The following NUP210L variants were observed in gnomAD, a reference collection of about 807,000 sequenced individuals.
The protein encoded by NUP210L is nuclear pore membrane glycoprotein 210-like.
Under a neutral mutation model 208.5 loss-of-function variants are expected in NUP210L, and 74 were observed. The observed-to-expected ratio is 0.35, with a 90% confidence interval of 0.29 to 0.43. NUP210L has a LOEUF of 0.43. Among genes scored for constraint, NUP210L ranks in the 20% least tolerant of loss-of-function variants. The pLI, the probability that NUP210L is intolerant of heterozygous loss-of-function variation, is 1.00. For synonymous variants in NUP210L, 780 were observed against 816.9 expected, an observed-to-expected ratio of 0.95 and a Z score of 0.77; for missense variants, 1,843 against 2,289.4, an observed-to-expected ratio of 0.81 and a Z score of 3.98.
At chr1:154,015,906 CAATAAATAAATAAATA>C (rs71584164) in intron 33 of NUP210L, among the ~76,000 whole-genome samples, 3,275 of 133,926 alleles carry the variant, frequency 0.024, 137 homozygotes, top group African/African-American at 0.084. Context: ...GACCCTGTCT[CAATAAATAAATAAATA>C]AATAAATAAA....
chr1:154,039,794 A>C (rs574700872), intron 27 of NUP210L: 1 of 152,146 alleles, frequency 6.6e-6, no homozygotes, highest in African/African-American at 2.4e-5. Flanking sequence ...ACTTGGGTTA[A>C]ATCTGCTTGG....
chr1:154,043,533 C>G (rs556282279), intron 27 of NUP210L, among the ~76,000 whole-genome samples: 2 of 150,940 alleles, frequency 1.3e-5, no homozygotes, highest in African/African-American at 4.9e-5. Context: ...AGGCTGGTCT[C>G]GAACTCCCAA....
intron 28 of NUP210L, 45 bp from the exon 29 acceptor site, chr1:154,027,642 A>G: frequency 7.5e-7 from 1 of 1,332,768 alleles, no homozygotes; most frequent in East Asian, 2.3e-5. Context: ...AAGACAAATT[A>G]TGACTTTTAC....
chr1:154,052,072 CTT>C (rs1653535657), intron 25 of NUP210L, among the ~76,000 whole-genome samples: 1 of 152,198 alleles, frequency 6.6e-6, no homozygotes, highest in Non-Finnish European at 1.5e-5. Flanking sequence ...GCATTATTGA[CTT>C]TAAATTTTTT....
At chr1:154,072,627 T>C (rs893389073) in intron 16 of NUP210L, among the ~76,000 whole-genome samples, 3 of 152,090 alleles carry the variant, frequency 2.0e-5, no homozygotes, top group Admixed American at 6.6e-5. Flanking sequence ...CCACCGCGCC[T>C]GGCAATTATG....
At chr1:154,149,999 T>C (rs1659304594) in intron 2 of NUP210L, among the ~76,000 whole-genome samples, 1 of 152,016 alleles carries the variant, frequency 6.6e-6, no homozygotes, top group African/African-American at 2.4e-5. Flanking sequence ...AGGCCAAGGT[T>C]GGTGGACTGC....
chr1:154,022,201 C>T (rs1013023002), exon 32 of NUP210L: 1 of 1,614,160 alleles, frequency 6.2e-7, no homozygotes, highest in Non-Finnish European at 8.5e-7. Flanking sequence ...GGCTCAATGG[C>T]ATGCTCTACA....
chr1:154,110,748 T>A (rs1362962044), intron 12 of NUP210L, among the ~76,000 whole-genome samples: 1 of 151,112 alleles, frequency 6.6e-6, no homozygotes, highest in East Asian at 1.9e-4. Flanking sequence ...CGTGGTGGTG[T>A]TCACCTGTAT....
chr1:154,131,897 T>C (rs1485666090), intron 7 of NUP210L, among the ~76,000 whole-genome samples: 1 of 152,112 alleles, frequency 6.6e-6, no homozygotes, highest in Admixed American at 6.6e-5. Flanking sequence ...TTCTGCCTCC[T>C]AGGTTCATGC....
At chr1:154,022,989 T>A (rs545818950) in intron 31 of NUP210L, 133 bp downstream of exon 31, 113 of 934,410 alleles carry the variant, frequency 1.2e-4, no homozygotes, top group Middle Eastern at 8.1e-4. Flanking sequence ...CTTAAAAAAA[T>A]TTTTTTTAAC....
intron 27 of NUP210L, among the ~76,000 whole-genome samples, chr1:154,034,845 T>G (rs200170679): frequency 5.1e-5 from 4 of 78,004 alleles, no homozygotes; most frequent in Non-Finnish European, 1.2e-4. Context: ...CTCTCTCTCT[T>G]TTTTTTTTTT....
chr1:154,000,751 G>T, intron 37 of NUP210L, 105 bp downstream of exon 37: 1 of 949,188 alleles, frequency 1.1e-6, no homozygotes, highest in Non-Finnish European at 1.7e-6. Context: ...GTGGTTGACA[G>T]TTAAGTGAAA....
intron 16 of NUP210L, among the ~76,000 whole-genome samples, chr1:154,083,369 T>C (rs1655452684): frequency 6.6e-6 from 1 of 152,138 alleles, no homozygotes; most frequent in Non-Finnish European, 1.5e-5. Context: ...ACAGTAAAGT[T>C]CTCCAAGTCC....
chr1:154,107,209 C>T (rs1012053083), intron 12 of NUP210L, among the ~76,000 whole-genome samples: 2 of 152,088 alleles, frequency 1.3e-5, no homozygotes, highest in Admixed American at 6.6e-5. Context: ...ATTCAATTAA[C>T]ATACTAAAGA....
intron 16 of NUP210L, among the ~76,000 whole-genome samples, chr1:154,071,025 T>C (rs1038290042): frequency 1.3e-5 from 2 of 152,112 alleles, no homozygotes; most frequent in Non-Finnish European, 2.9e-5. Context: ...TTTGCCCTTT[T>C]TTGTTATTGT....
intron 1 of NUP210L, 38 bp downstream of exon 1, chr1:154,154,804 A>C: frequency 6.7e-7 from 1 of 1,484,564 alleles, no homozygotes; most frequent in Non-Finnish European, 9.4e-7. Flanking sequence ...ACTGGATGGT[A>C]GTGAGGGTGC....
chr1:154,027,179 C>T (rs764795319), intron 29 of NUP210L, among the ~76,000 whole-genome samples: 1 of 151,418 alleles, frequency 6.6e-6, no homozygotes, highest in Non-Finnish European at 1.5e-5. Flanking sequence ...TAGCTAATAC[C>T]GTACACAGAA....
intron 17 of NUP210L, among the ~76,000 whole-genome samples, chr1:154,066,605 C>T (rs1352221823): frequency 1.3e-5 from 2 of 151,938 alleles, no homozygotes; most frequent in African/African-American, 2.4e-5. Context: ...AGCGAGACTC[C>T]GTCTCAAAAA....
intron 38 of NUP210L, among the ~76,000 whole-genome samples, chr1:153,994,387 T>C (rs1223617036): frequency 6.6e-6 from 1 of 152,054 alleles, no homozygotes; most frequent in Non-Finnish European, 1.5e-5. Flanking sequence ...CGATCTTGGC[T>C]CACTGCAACC....
Sources: gnomAD v4.1 joint callset for allele counts (sites outside exome capture counted in the v4.1 genomes callset) on GRCh38, gnomAD v4.1.1 for gene constraint, MANE v1.5 for transcripts, NCBI Gene and HGNC (gene_info 2026-07-23, HGNC 2026-07-21) for gene names.